DCLK1: variants seen among roughly 807,000 people sequenced by gnomAD.
DCLK1 encodes the protein doublecortin like kinase 1, also known as serine/threonine-protein kinase DCLK1.
DCLK1 carries 16 observed loss-of-function variants against 86.2 expected under a neutral mutation model. The ratio of observed to expected loss-of-function variants is 0.19; its 90% CI spans 0.13 to 0.28. The LOEUF (loss-of-function observed/expected upper bound fraction) is 0.28. Among genes scored for constraint, DCLK1 ranks in the 10% least tolerant of loss-of-function variants. The pLI is 1.00. For synonymous variants in DCLK1, 369 were observed against 370.5 expected (o/e 1.00, Z 0.05); for missense variants, 590 against 940.2 (o/e 0.63, Z 4.87).
At chr13:35,998,993 G>A (rs148849247) in intron 3 of DCLK1, among the ~76,000 whole-genome samples, 365 of 152,204 alleles carry the variant, frequency 2.4e-3, no homozygotes, top group African/African-American at 7.7e-3. Context: ...GGTGGCTCAC[G>A]CCTGTAATCC....
At chr13:35,846,708 A>C (rs1870199893) in intron 6 of DCLK1, 2 of 985,370 alleles carry the variant, frequency 2.0e-6, no homozygotes, top group Non-Finnish European at 2.4e-6. Context: ...TTTCAATCAA[A>C]GACAGTTGTC....
intron 9 of DCLK1, 128 bp downstream of exon 9, chr13:35,828,122 A>T (rs980073043): frequency 3.4e-5 from 24 of 708,322 alleles, no homozygotes; most frequent in Non-Finnish European, 5.5e-5. Context: ...TATTCTAGTA[A>T]GTGTATAACA....
intron 16 of DCLK1, among the ~76,000 whole-genome samples, chr13:35,785,597 G>T (rs918784306): frequency 6.6e-6 from 1 of 152,158 alleles, no homozygotes; most frequent in Non-Finnish European, 1.5e-5. Flanking sequence ...TCACCAAAAA[G>T]CCAGTTAAGA....
chr13:35,882,721 GTTA>G (rs1377368144), intron 4 of DCLK1, among the ~76,000 whole-genome samples: 112 of 152,220 alleles, frequency 7.4e-4, no homozygotes, highest in African/African-American at 2.3e-3. Flanking sequence ...ACCTTGCCTG[GTTA>G]ACGTTCTGTT....
At chr13:36,029,477 C>T (rs184912993) in intron 3 of DCLK1, among the ~76,000 whole-genome samples, 6 of 152,240 alleles carry the variant, frequency 3.9e-5, no homozygotes, top group African/African-American at 4.8e-5. Context: ...TATCTCATAA[C>T]GTTCCATTAC....
chr13:35,957,020 C>CT (rs1452832638), intron 3 of DCLK1, among the ~76,000 whole-genome samples: 12 of 88,442 alleles, frequency 1.4e-4, no homozygotes, highest in African/African-American at 4.8e-4. Flanking sequence ...ATTGTATGTT[C>CT]TTTGTTAGGG....
chr13:36,092,300 C>T (rs1884852720), intron 3 of DCLK1, among the ~76,000 whole-genome samples: 1 of 151,868 alleles, frequency 6.6e-6, no homozygotes, highest in Non-Finnish European at 1.5e-5. Context: ...ATAGTACTTA[C>T]CTTCTAGAGT....
intron 4 of DCLK1, among the ~76,000 whole-genome samples, chr13:35,927,894 C>T (rs1171072): frequency 0.74 from 112,943 of 152,020 alleles, 42,106 homozygotes; most frequent in Admixed American, 0.81. Flanking sequence ...ACGCTAGCAG[C>T]TGAGTGAGCC....
intron 5 of DCLK1, among the ~76,000 whole-genome samples, chr13:35,860,521 T>C (rs1037996442): frequency 2.6e-5 from 4 of 151,930 alleles, no homozygotes; most frequent in Admixed American, 2.0e-4. Context: ...CTACTGAGAA[T>C]AATGGGAAGG....
At position 36,053,470 on chromosome 13, in the gene DCLK1, A is replaced by G. The variant is rs147591286; in HGVS notation, c.723+58399T>C. 4.1e-3 allele frequency among the ~76,000 whole-genome samples: 626 copies of G among 152,236 alleles called. 3 individuals carry two copies. Among genetic ancestry groups the G allele is most frequent in the Non-Finnish European group, 7.0e-3 (474 of 68,022 alleles). On this transcript the variant is annotated intron_variant, in intron 3 of 16. Transcript: ENST00000360631. ...TAACAGAGTCAACCAATACTTATTT[A>G]CCGTCTACTATGTGCTAGGTAGTGT...
intron 6 of DCLK1, chr13:35,847,066 G>A (rs772640667): frequency 3.0e-6 from 3 of 984,586 alleles, no homozygotes; most frequent in Non-Finnish European, 3.6e-6. Context: ...ACCACTACAA[G>A]CCATCCATAC....
intron 4 of DCLK1, among the ~76,000 whole-genome samples, chr13:35,894,924 T>C (rs1181356200): frequency 1.3e-5 from 2 of 152,204 alleles, no homozygotes; most frequent in African/African-American, 2.4e-5. Flanking sequence ...AAGATAATCA[T>C]ATTCAAGTAG....
intron 4 of DCLK1, among the ~76,000 whole-genome samples, chr13:35,904,104 G>C (rs1874542903): frequency 6.6e-6 from 1 of 151,822 alleles, no homozygotes; most frequent in Non-Finnish European, 1.5e-5. Flanking sequence ...GTAGTACAAA[G>C]AGCTATGGAT....
intron 3 of DCLK1, among the ~76,000 whole-genome samples, chr13:35,988,645 T>C (rs1880059214): frequency 6.6e-6 from 1 of 152,232 alleles, no homozygotes; most frequent in Non-Finnish European, 1.5e-5. Context: ...TGTCTCAATC[T>C]GTGCTTCTTA....
intron 3 of DCLK1, among the ~76,000 whole-genome samples, chr13:35,948,121 C>T (rs370450207): frequency 2.0e-5 from 3 of 152,298 alleles, no homozygotes; most frequent in East Asian, 1.9e-4. Flanking sequence ...GATATTTACT[C>T]GACTTACTCT....
intron 4 of DCLK1, among the ~76,000 whole-genome samples, chr13:35,908,167 T>C (rs978801071): frequency 5.3e-5 from 8 of 152,170 alleles, no homozygotes; most frequent in African/African-American, 1.4e-4. Context: ...TAGTTGGAGA[T>C]GGAAAATTCA....
At chr13:35,798,295 T>C (rs2086852830) in intron 15 of DCLK1, among the ~76,000 whole-genome samples, 1 of 152,178 alleles carries the variant, frequency 6.6e-6, no homozygotes, top group Non-Finnish European at 1.5e-5. Context: ...GGAAACCATT[T>C]CAGGCGTCAT....
chr13:36,018,003 A>G (rs1194274400), intron 3 of DCLK1, among the ~76,000 whole-genome samples: 1 of 152,336 alleles, frequency 6.6e-6, no homozygotes, highest in African/African-American at 2.4e-5. Context: ...TTGCACTGCT[A>G]ATAACATCAC....
At chr13:35,934,296 G>T (rs1452533859) in intron 4 of DCLK1, among the ~76,000 whole-genome samples, 1 of 152,022 alleles carries the variant, frequency 6.6e-6, no homozygotes, top group Non-Finnish European at 1.5e-5. Context: ...ACATTTTTGG[G>T]TATCTTCTTA....
Sources: gnomAD v4.1 joint callset for allele counts (sites outside exome capture counted in the v4.1 genomes callset) on GRCh38, gnomAD v4.1.1 for gene constraint, MANE v1.5 for transcripts, NCBI Gene and HGNC (gene_info 2026-07-23, HGNC 2026-07-21) for gene names.